The following OR6N1 variants were observed in gnomAD, a reference collection of about 807,000 sequenced individuals.
The protein encoded by OR6N1 is olfactory receptor 6N1.
For synonymous variants in OR6N1, 170 were observed against 150.7 expected (o/e 1.13, Z -0.94); for missense variants, 394 against 371.7 (o/e 1.06, Z -0.49).
the OR6N1 span, among the ~76,000 whole-genome samples, chr1:158,793,900 A>G: frequency 6.6e-6 from 1 of 152,112 alleles, no homozygotes; most frequent in East Asian, 1.9e-4. Flanking sequence ...TCTTTTCAGG[A>G]GGAGGAGCAG....
chr1:158,777,234 T>C, the OR6N1 span: 2 of 1,613,912 alleles, frequency 1.2e-6, no homozygotes, highest in Non-Finnish European at 8.5e-7. Flanking sequence ...TGGTCATAAT[T>C]ATAGGGTAGT....
the OR6N1 span, among the ~76,000 whole-genome samples, chr1:158,796,433 ACTGTGTATTTTCCAACACC>A: frequency 6.6e-6 from 1 of 151,730 alleles, no homozygotes; most frequent in Non-Finnish European, 1.5e-5. Context: ...TTCTTCTCTG[ACTGTGTATTTTCCAACACC>A]CTGTCATTGA....
At chr1:158,767,361 A>G (rs2102007739) in intron 1 of OR6N1, among the ~76,000 whole-genome samples, 1 of 152,274 alleles carries the variant, frequency 6.6e-6, no homozygotes, top group African/African-American at 2.4e-5. Context: ...CAGGAGGCAA[A>G]TCTATCTTTC....
At chr1:158,824,232 T>G in the OR6N1 span, among the ~76,000 whole-genome samples, 39 of 152,216 alleles carry the variant, frequency 2.6e-4, no homozygotes, top group African/African-American at 8.9e-4. Flanking sequence ...TCTGATGGTT[T>G]TATAAGGGGG....
the OR6N1 span, among the ~76,000 whole-genome samples, chr1:158,818,156 G>C: frequency 6.6e-6 from 1 of 152,044 alleles, no homozygotes; most frequent in African/African-American, 2.4e-5. Context: ...TCTTTGTCCA[G>C]AATGTCCTCC....
chr1:158,766,735 T>A (rs1657285952), intron 1 of OR6N1, 35 bp from the exon 2 acceptor site: 3 of 1,381,722 alleles, frequency 2.2e-6, no homozygotes, highest in East Asian at 2.4e-5. Flanking sequence ...GGAAAGAAAG[T>A]TGAACTATAG....
At chr1:158,819,662 C>A in the OR6N1 span, among the ~76,000 whole-genome samples, 6 of 152,186 alleles carry the variant, frequency 3.9e-5, no homozygotes, top group Non-Finnish European at 8.8e-5. Context: ...TCTTTCAGAG[C>A]ATTTTTTAAA....
At chr1:158,784,533 C>A in the OR6N1 span, among the ~76,000 whole-genome samples, 1 of 152,322 alleles carries the variant, frequency 6.6e-6, no homozygotes, top group African/African-American at 2.4e-5. Flanking sequence ...TCCTGTCTAA[C>A]TGTAACTTCA....
At chr1:158,770,099 G>A (rs1237796775) in intron 1 of OR6N1, among the ~76,000 whole-genome samples, 2 of 152,180 alleles carry the variant, frequency 1.3e-5, no homozygotes, top group African/African-American at 2.4e-5. Context: ...CAGATGAGTT[G>A]TCTAGACTGT....
the OR6N1 span, chr1:158,796,205 A>G: frequency 6.6e-6 from 1 of 152,280 alleles, no homozygotes; most frequent in Non-Finnish European, 1.5e-5. Context: ...AGTCAAAGGG[A>G]CAGCTCAAGG....
the OR6N1 span, among the ~76,000 whole-genome samples, chr1:158,838,136 A>G: frequency 2.0e-5 from 3 of 151,954 alleles, no homozygotes; most frequent in Admixed American, 6.6e-5. Context: ...AAAATAGCAA[A>G]AGTCATGTTT....
the OR6N1 span, among the ~76,000 whole-genome samples, chr1:158,796,879 C>CTT: frequency 2.2e-4 from 31 of 142,048 alleles, no homozygotes; most frequent in South Asian, 2.0e-3. Context: ...TACAACTTAC[C>CTT]TTTTTTTTTT....
chr1:158,769,065 C>A (rs1657347783), intron 1 of OR6N1, among the ~76,000 whole-genome samples: 1 of 152,104 alleles, frequency 6.6e-6, no homozygotes, highest in Admixed American at 6.6e-5. Context: ...ATATGCAAAT[C>A]TATTAAGATA....
At chr1:158,798,189 T>C in the OR6N1 span, among the ~76,000 whole-genome samples, 1 of 151,826 alleles carries the variant, frequency 6.6e-6, no homozygotes, top group Non-Finnish European at 1.5e-5. Context: ...TTTTTATTTT[T>C]AGGAACCAAC....
chr1:158,808,260 C>G, the OR6N1 span: 2 of 151,432 alleles, frequency 1.3e-5, no homozygotes, highest in Non-Finnish European at 2.9e-5. Flanking sequence ...GCCTCAGCCT[C>G]CCGAGTAGCT....
At chr1:158,780,266 A>G in the OR6N1 span, among the ~76,000 whole-genome samples, 1 of 152,184 alleles carries the variant, frequency 6.6e-6, no homozygotes, top group Non-Finnish European at 1.5e-5. Flanking sequence ...CCTTTATACA[A>G]GTTAGCTTTT....
At chr1:158,801,643 C>G in the OR6N1 span, among the ~76,000 whole-genome samples, 1 of 152,152 alleles carries the variant, frequency 6.6e-6, no homozygotes, top group East Asian at 1.9e-4. Context: ...TTCTTTACTT[C>G]AACTTCCCCT....
chr1:158,829,601 A>G, the OR6N1 span, among the ~76,000 whole-genome samples: 113,874 of 152,080 alleles, frequency 0.75, 43,629 homozygotes, highest in East Asian at 1. Flanking sequence ...AGTTCCAAAC[A>G]TTCCCACATT....
the OR6N1 span, among the ~76,000 whole-genome samples, chr1:158,838,869 C>G: frequency 5.9e-5 from 9 of 152,214 alleles, no homozygotes; most frequent in Admixed American, 5.2e-4. Flanking sequence ...AGGAACCCCT[C>G]TAGTGGATTT....
Sources: gnomAD v4.1 joint callset for allele counts (sites outside exome capture counted in the v4.1 genomes callset) on GRCh38, gnomAD v4.1.1 for gene constraint, MANE v1.5 for transcripts, NCBI Gene and HGNC (gene_info 2026-07-23, HGNC 2026-07-21) for gene names.